SNX19: variants seen among roughly 807,000 people sequenced by gnomAD.
SNX19 encodes sorting nexin 19.
A neutral mutation model predicts 85.2 loss-of-function variants in SNX19; 60 were observed. That is an observed-to-expected ratio of 0.70 (90% CI 0.57 to 0.87). The LOEUF is 0.87. Among genes scored for constraint, SNX19 ranks in the 40% least tolerant of loss-of-function variants. The pLI is 0.00. For synonymous variants in SNX19, 520 were observed against 470.0 expected (o/e 1.11, Z -1.38); for missense variants, 1,201 against 1,217.8 (o/e 0.99, Z 0.21).
chr11:130,907,049 C>T (rs1945727538), intron 5 of SNX19, among the ~76,000 whole-genome samples: 1 of 152,174 alleles, frequency 6.6e-6, no homozygotes, highest in African/African-American at 2.4e-5. Context: ...ATAATAGGCA[C>T]TCATTAAAAA....
chr11:130,900,885 T>G (rs751439568), intron 8 of SNX19, among the ~76,000 whole-genome samples: 16 of 152,190 alleles, frequency 1.1e-4, no homozygotes, highest in Non-Finnish European at 1.3e-4. Context: ...AGAATAAAAC[T>G]AAAGAGACTA....
chr11:130,893,962 A>G, intron 8 of SNX19: 4 of 597,618 alleles, frequency 6.7e-6, no homozygotes, highest in Non-Finnish European at 9.0e-6. Context: ...GGTAAAGATC[A>G]AAAGTAAGCA....
Position 130,914,394 on chromosome 11 carries a change from A to G in SNX19, c.1546T>C (p.Phe516Leu), listed in dbSNP as rs1471565608. The G allele has an allele frequency of 6.2e-7, 1 of 1,613,968 alleles. No homozygotes were observed. The highest frequency in any genetic ancestry group is 2.2e-5 in the East Asian group (1 of 44,878). Residue 516 changes from phenylalanine (F) to leucine (L), a missense_variant, in exon 1 of 11, where the codon TTC becomes CTC. Coordinates refer to ENST00000265909, the MANE Select transcript of SNX19 (RefSeq NM_014758.3). ...SPPGPLSSAT[F>L]SFEPLSSPDG... ...GGACTGCTTAGGGGCTCAAAGCTGA[A>G]GGTGGCTGAGCTGAGAGGACCAGGT... is the stretch of plus-strand genomic sequence containing the variant.
chr11:130,903,332 T>A lies in SNX19; in HGVS notation c.2496A>T (p.Leu832=), dbSNP rs138603150. 49 of 1,613,670 alleles carry A rather than the reference T, an allele frequency of 3.0e-5. No homozygotes were observed. The African/African-American group carries it at 5.6e-4, about 18-fold the overall frequency. ...DTALDLLLLL[L]TEQWKWLCTE... ...TACATAGCCATTTCCACTGTTCTGT[T>A]AGTAGCAAGAGGAGCAGATCCAGGG... Residue 832 remains leucine, a synonymous_variant, in exon 8 of 11, where the codon CTA becomes CTT. Coordinates refer to ENST00000265909, the MANE Select transcript of SNX19 (RefSeq NM_014758.3).
chr11:130,900,872 G>A (rs1945216126), intron 8 of SNX19, among the ~76,000 whole-genome samples: 1 of 152,278 alleles, frequency 6.6e-6, no homozygotes, highest in East Asian at 1.9e-4. Flanking sequence ...ATCCAGAGGT[G>A]ACAGAATAAA....
chr11:130,888,144 C>T (rs937800200), intron 8 of SNX19, among the ~76,000 whole-genome samples: 23 of 151,406 alleles, frequency 1.5e-4, no homozygotes, highest in South Asian at 4.2e-4. Context: ...TATAGTCTTG[C>T]CCTTCTGTAT....
At chr11:130,898,203 A>T (rs1302794138) in intron 8 of SNX19, among the ~76,000 whole-genome samples, 1 of 151,934 alleles carries the variant, frequency 6.6e-6, no homozygotes, top group Admixed American at 6.5e-5. Flanking sequence ...ATTTGACAGA[A>T]GTCTATGGCG....
Position 130,878,276 on chromosome 11 carries a change from G to T in SNX19, c.*146C>A. The T allele has an allele frequency of 1.2e-6, 1 of 820,538 alleles. No individual in the cohort carries two copies. The highest frequency in any genetic ancestry group is 1.9e-6 in the Non-Finnish European group (1 of 533,284). The allele number at this position is 820,538 out of a possible 1,614,324, so 50.8% of individuals were successfully genotyped here. A position where few individuals can be genotyped will look rare whatever the true frequency, so the allele number is the denominator to read the frequency against. ...AGACCCCTGTCACCTGCTACAAATG[G>T]AGCAGAAGTGGGAGAGAAGTGAGCC... On this transcript the variant is annotated 3_prime_UTR_variant, in exon 11 of 11. Coordinates refer to ENST00000265909, the MANE Select transcript of SNX19 (RefSeq NM_014758.3).
At chr11:130,884,603 C>T (rs1044352950) in intron 8 of SNX19, among the ~76,000 whole-genome samples, 1 of 152,174 alleles carries the variant, frequency 6.6e-6, no homozygotes, top group African/African-American at 2.4e-5. Flanking sequence ...CATAGTGGCT[C>T]ACACCTGTAA....
rs910244505 is a variant in SNX19, at chr11:130,873,315, A to G, written c.*5107T>C. ...ACAGTGGAAAAGCTGAGTAGTTACA[A>G]CAGAGACCATACTGCTGCAAAACCT... On this transcript the variant is annotated 3_prime_UTR_variant, in exon 11 of 11. Coordinates refer to ENST00000265909, the MANE Select transcript of SNX19 (RefSeq NM_014758.3). 1.3e-5 allele frequency among the ~76,000 whole-genome samples: 2 copies of G among 152,208 alleles called. No individual in the cohort carries two copies. Among genetic ancestry groups the G allele is most frequent in the African/African-American group, 4.8e-5 (2 of 41,456 alleles).
At position 130,916,111 on chromosome 11, in the gene SNX19, G is replaced by A; in HGVS notation, c.-172C>T. 1.6e-6 allele frequency: 1 copy of A among 613,840 alleles called. No homozygotes were observed. The highest frequency in any genetic ancestry group is 2.9e-6 in the Non-Finnish European group (1 of 349,856). 38.0% of individuals were successfully genotyped at this position (613,840 alleles called of 1,614,324 possible). On this transcript the variant is annotated 5_prime_UTR_variant, in exon 1 of 11. Transcript: ENST00000265909. ...CAGGCACTGCAAAGCGACAGCTGCA[G>A]CTCCGCGTCTCCCCATGGCTACCAC...
rs147306055 is a variant in SNX19, at chr11:130,914,276, T to C, written c.1664A>G (p.Tyr555Cys). The change falls in exon 1 of 11, where the codon TAT (tyrosine) becomes TGT (cysteine). Residue 555 changes from tyrosine (Y) to cysteine (C), a missense_variant. Around this residue, in one of 3 missense-constraint regions of SNX19, gnomAD observed 791 missense variants for 750.9 expected, o/e 1.05. Coordinates refer to ENST00000265909, the MANE Select transcript of SNX19 (RefSeq NM_014758.3). The stretch of plus-strand genomic sequence containing the variant: ...CTTTAATCCTGTTACCTTCACAGTA[T>C]AGAGTGTGTATGGGTGGAATCCAGT... The part of the protein sequence containing the change: ...SGTGFHPYTL[Y>C]TVKYETALDG... 18 of 1,579,410 alleles carry C rather than the reference T, an allele frequency of 1.1e-5. 2 individuals are homozygous for C. The highest frequency in any genetic ancestry group is 2.2e-5 in the East Asian group (1 of 44,616).
Position 130,915,609 on chromosome 11 carries a change from G to A in SNX19, c.331C>T (p.Arg111Ter), listed in dbSNP as rs1223286912. Residue 111 changes from arginine to a stop codon, truncating the protein, a stop_gained, in exon 1 of 11, where the codon CGA (arginine) becomes TGA (stop). Transcript: ENST00000265909. LOFTEE classifies it high-confidence loss of function. Reference sequence around the variant, plus strand: ...CGGTACCAAGATAACACAAAATCTCGAATAATCATCTGGATGGTGCGGTTG... The same window carrying A: ...CGGTACCAAGATAACACAAAATCTCAAATAATCATCTGGATGGTGCGGTTG... ...EINRTIQMII[R>*]DFVLSWYRSV... 2 of 1,614,218 alleles carry A rather than the reference G, an allele frequency of 1.2e-6. No homozygotes were observed. Among genetic ancestry groups the A allele is most frequent in the Non-Finnish European group, 1.7e-6 (2 of 1,180,030 alleles).
chr11:130,893,656 T>A (rs1207775109), intron 8 of SNX19: 5 of 616,046 alleles, frequency 8.1e-6, no homozygotes, highest in Non-Finnish European at 1.4e-5. Context: ...ATAGGAACTT[T>A]GGGAGCACTG....
chr11:130,903,165 G>A (rs1592342550), intron 8 of SNX19, 90 bp downstream of exon 8: 3 of 1,549,318 alleles, frequency 1.9e-6, no homozygotes, highest in Non-Finnish European at 2.6e-6. Flanking sequence ...CTTCTCTTAC[G>A]GCTGCAGATT....
chr11:130,889,386 C>T (rs1028709493), intron 8 of SNX19, among the ~76,000 whole-genome samples: 4 of 151,856 alleles, frequency 2.6e-5, no homozygotes, highest in Non-Finnish European at 5.9e-5. Context: ...TGTAAATGCC[C>T]CCCGACCCCC....
chr11:130,910,641 C>G (rs796239451), intron 2 of SNX19, among the ~76,000 whole-genome samples: 1 of 152,154 alleles, frequency 6.6e-6, no homozygotes, highest in African/African-American at 2.4e-5. Context: ...TGTTATCTTT[C>G]TGACTCTGTT....
intron 8 of SNX19, among the ~76,000 whole-genome samples, chr11:130,882,404 C>G (rs1385840590): frequency 6.6e-6 from 1 of 152,264 alleles, no homozygotes; most frequent in Non-Finnish European, 1.5e-5. Flanking sequence ...AACCTCCACT[C>G]TGCCAGACAG....
chr11:130,891,083 T>C (rs1260489183), intron 8 of SNX19, among the ~76,000 whole-genome samples: 1 of 152,178 alleles, frequency 6.6e-6, no homozygotes, highest in Non-Finnish European at 1.5e-5. Context: ...AACATTGAGC[T>C]CTTAATTATT....
Sources: gnomAD v4.1 joint callset for allele counts (sites outside exome capture counted in the v4.1 genomes callset) on GRCh38, gnomAD v4.1.1 for gene constraint, gnomAD v4.1.1 regional missense constraint, MANE v1.5 for transcripts, NCBI Gene and HGNC (gene_info 2026-07-23, HGNC 2026-07-21) for gene names.